GREB1: variants seen among roughly 807,000 people sequenced by gnomAD.
GREB1 encodes growth regulating estrogen receptor binding 1, also known as protein GREB1.
A neutral mutation model predicts 200.7 loss-of-function variants in GREB1; 106 were observed. The observed-to-expected ratio is 0.53, with a 90% CI of 0.45 to 0.62. The LOEUF is 0.62. GREB1 is among the 20% of genes least tolerant of loss of function. The probability of loss-of-function intolerance (pLI) is 0.00; values close to 1 mark genes in which losing one functional copy is unlikely to be tolerated. For missense variants in GREB1, 2,243 were observed against 2,556.8 expected, an observed-to-expected ratio of 0.88 and a Z score of 2.65; for synonymous variants, 1,132 against 1,092.4, an observed-to-expected ratio of 1.04 and a Z score of -0.72.
intron 1 of GREB1, among the ~76,000 whole-genome samples, chr2:11,534,681 G>C (rs990617028): frequency 6.6e-6 from 1 of 152,250 alleles, no homozygotes; most frequent in African/African-American, 2.4e-5. Flanking sequence ...TTGGGAAACA[G>C]AGTGTGGCCC....
At chr2:11,551,368 T>C (rs965011506) in intron 1 of GREB1, among the ~76,000 whole-genome samples, 4 of 152,244 alleles carry the variant, frequency 2.6e-5, no homozygotes, top group South Asian at 2.1e-4. Flanking sequence ...AAAGGTCCTA[T>C]TGAAAGAGTG....
intron 31 of GREB1, among the ~76,000 whole-genome samples, chr2:11,638,217 T>G (rs1685537812): frequency 6.6e-6 from 1 of 152,246 alleles, no homozygotes. Flanking sequence ...CTCAGCTCAC[T>G]GCAGTCTCTG....
At chr2:11,607,481 T>C (rs529803893) in intron 17 of GREB1, among the ~76,000 whole-genome samples, 79 of 144,410 alleles carry the variant, frequency 5.5e-4, no homozygotes, top group African/African-American at 1.7e-3. Context: ...TACACACACA[T>C]ACATATATAT....
In GREB1 at chr2:11,631,890, T is replaced by C. The variant is rs1367078218; in HGVS notation, c.4612-19T>C. The C allele has an allele frequency of 6.3e-7, 1 of 1,591,480 alleles. No homozygotes were observed. The highest frequency in any genetic ancestry group is 8.6e-7 in the Non-Finnish European group (1 of 1,160,084). ...CCACATTTACAAACACTCTACCTCATGATACCTGTACTTTGCAGAGCCATG... is the reference window on the plus strand; with the variant it reads ...CCACATTTACAAACACTCTACCTCACGATACCTGTACTTTGCAGAGCCATG... On this transcript the variant is annotated intron_variant, in intron 26 of 32. Transcript: ENST00000381486.
At chr2:11,584,916 C>T (rs1382180335) in intron 7 of GREB1, 9 of 366,226 alleles carry the variant, frequency 2.5e-5, no homozygotes, top group Non-Finnish European at 2.0e-5. Flanking sequence ...TGGTGACCTC[C>T]CGGGAGTGGA....
In GREB1 at chr2:11,640,421, G is replaced by C; in HGVS notation, c.5817G>C (p.Arg1939=). ...EFQTANARED[R]PLFFLTGRHI Reference sequence around the variant, plus strand: ...AGACCGCCAATGCCAGGGAAGACCGGCCGCTCTTTTTTCTGACGGGACGAC... The same window carrying C: ...AGACCGCCAATGCCAGGGAAGACCGCCCGCTCTTTTTTCTGACGGGACGAC... Residue 1939 remains arginine, a synonymous_variant, in exon 33 of 33, where the codon CGG becomes CGC. Coordinates refer to ENST00000381486, the MANE Select transcript of GREB1 (RefSeq NM_014668.4). This position sits in a 1 kb window ranked among gnomAD's most constrained non-coding sequence, Gnocchi z 4.6. 6.2e-7 allele frequency: 1 copy of C among 1,614,206 alleles called. No individual in the cohort carries two copies. The highest frequency in any genetic ancestry group is 8.5e-7 in the Non-Finnish European group (1 of 1,180,042).
chr2:11,495,795 C>CCTTTTTT (rs1393933225), intron 1 of GREB1, among the ~76,000 whole-genome samples: 8 of 140,532 alleles, frequency 5.7e-5, no homozygotes, highest in African/African-American at 2.1e-4. Context: ...TAAGTCCCCC[C>CCTTTTTT]GTTTTTTTTT....
chr2:11,634,993 C>T (rs1685194149), intron 29 of GREB1, among the ~76,000 whole-genome samples: 1 of 152,242 alleles, frequency 6.6e-6, no homozygotes. Context: ...GCACTTGGCC[C>T]TTGGCCTCTG....
chr2:11,583,286 G>T (rs1200560130), intron 7 of GREB1, among the ~76,000 whole-genome samples: 1 of 152,196 alleles, frequency 6.6e-6, no homozygotes, highest in Non-Finnish European at 1.5e-5. Flanking sequence ...GGAGCTGGCT[G>T]CTTAGCCTCT....
chr2:11,551,600 TC>T (rs1352133173), intron 1 of GREB1, among the ~76,000 whole-genome samples: 1 of 152,274 alleles, frequency 6.6e-6, no homozygotes, highest in African/African-American at 2.4e-5. Context: ...TGAACTTACT[TC>T]TTTTTCTAGA....
intron 5 of GREB1, among the ~76,000 whole-genome samples, chr2:11,577,554 G>A (rs370028783): frequency 3.3e-5 from 5 of 152,310 alleles, no homozygotes; most frequent in African/African-American, 4.8e-5. Context: ...AGTCAGCAAC[G>A]CAGGGTGAGG....
chr2:11,552,941 C>T (rs1278051518), intron 1 of GREB1, among the ~76,000 whole-genome samples: 5 of 142,900 alleles, frequency 3.5e-5, no homozygotes, highest in African/African-American at 8.1e-5. Context: ...ACCCGGGAGG[C>T]GGAGCTTGCA....
Position 11,585,798 on chromosome 2 carries a change from T to G in GREB1, c.1052T>G (p.Leu351Trp), listed in dbSNP as rs767392091. ...AGMSCVPQVG[L>W]VGPASVTFPV... ...ATGTCCTGCGTGCCGCAGGTTGGCTTGGTGGGACCAGCTTCAGTCACCTTT... is the reference window on the plus strand; with the variant it reads ...ATGTCCTGCGTGCCGCAGGTTGGCTGGGTGGGACCAGCTTCAGTCACCTTT... Residue 351 changes from leucine to tryptophan, a missense_variant, in exon 9 of 33, where the codon TTG becomes TGG. By Grantham distance (61) the Leu-to-Trp change is moderately conservative. Transcript: ENST00000381486. The G allele has an allele frequency of 2.5e-6, 4 of 1,613,642 alleles. No homozygotes were observed. The East Asian group carries it at 8.9e-5, about 36-fold the overall frequency.
intron 17 of GREB1, among the ~76,000 whole-genome samples, chr2:11,610,344 A>G (rs1044171861): frequency 6.6e-6 from 1 of 152,214 alleles, no homozygotes; most frequent in African/African-American, 2.4e-5. Flanking sequence ...AGAGAGCTGC[A>G]CATTGTGCTG....
rs937980781 is a variant in GREB1 at position 11,592,955 on chromosome 2, G to T, written c.1525G>T (p.Ala509Ser). The stretch of plus-strand genomic sequence containing the variant: ...GCTGCCCTGGCTGGCCAGCCTGGCC[G>T]CCAGCTCCTGCAACGACAGCGTGCA... ...AQLPWLASLA[A>S]SSCNDSVHVI... Residue 509 changes from alanine (A) to serine (S), a missense_variant, in exon 11 of 33, where the codon GCC becomes TCC. Around this residue, in one of 3 missense-constraint regions of GREB1, gnomAD observed 1,178 missense variants for 1,387.4 expected, o/e 0.85. Transcript: ENST00000381486. The T allele has an allele frequency of 1.0e-5, 16 of 1,589,696 alleles. No homozygotes were observed. Among genetic ancestry groups the T allele is most frequent in the Non-Finnish European group, 1.4e-5 (16 of 1,167,428 alleles).
chr2:11,614,656 C>T (rs1572927205), intron 19 of GREB1, among the ~76,000 whole-genome samples: 1 of 151,304 alleles, frequency 6.6e-6, no homozygotes, highest in African/African-American at 2.4e-5. Context: ...CTCTGCCTCC[C>T]GGGTTCACTC....
intron 4 of GREB1, among the ~76,000 whole-genome samples, chr2:11,566,959 C>G (rs980823701): frequency 1.3e-5 from 2 of 152,174 alleles, no homozygotes; most frequent in Non-Finnish European, 2.9e-5. Flanking sequence ...CAAACCCTGT[C>G]CTAGGCAGTC....
At position 11,630,040 on chromosome 2, in the gene GREB1, G is replaced by A. The variant is rs773854262; in HGVS notation, c.4542G>A (p.Glu1514=). The change falls in exon 26 of 33, where the codon GAG becomes GAA. Residue 1514 remains glutamate, a synonymous_variant. Coordinates refer to ENST00000381486, the MANE Select transcript of GREB1 (RefSeq NM_014668.4). Reference sequence around the variant, plus strand: ...ACTTCATCATCCCCAAGTCCAAGGAGCACCACTTTGTCTTCAGCCAACCTG... The same window carrying A: ...ACTTCATCATCCCCAAGTCCAAGGAACACCACTTTGTCTTCAGCCAACCTG... ...QLHFIIPKSK[E]HHFVFSQPGG... 30 of 1,614,102 alleles carry A rather than the reference G, an allele frequency of 1.9e-5. 1 individual carries two copies. The South Asian group carries it at 3.1e-4, about 17-fold the overall frequency.
intron 15 of GREB1, among the ~76,000 whole-genome samples, chr2:11,600,435 G>C (rs1230802106): frequency 6.6e-6 from 1 of 152,150 alleles, no homozygotes; most frequent in African/African-American, 2.4e-5. Context: ...AGGTCAGAAG[G>C]ACTGTGTAAG....
Sources: gnomAD v4.1 joint callset for allele counts (sites outside exome capture counted in the v4.1 genomes callset) on GRCh38, gnomAD v4.1.1 for gene constraint, gnomAD v4.1.1 regional missense constraint, Gnocchi (gnomAD v3.1) non-coding constraint, MANE v1.5 for transcripts, NCBI Gene and HGNC (gene_info 2026-07-23, HGNC 2026-07-21) for gene names.